The following CPED1 variants were observed in gnomAD, a reference collection of about 807,000 sequenced individuals.
The protein encoded by CPED1 is cadherin-like and PC-esterase domain-containing protein 1.
In CPED1, 114 loss-of-function variants were observed where a neutral mutation model predicts 128.2. The observed-to-expected ratio is 0.89, with a 90% CI of 0.76 to 1.04. The LOEUF (loss-of-function observed/expected upper bound fraction) is 1.04. Among genes scored for constraint, CPED1 ranks in the 50% least tolerant of loss-of-function variants. The pLI, the probability that CPED1 is intolerant of heterozygous loss-of-function variation, is 0.00. For synonymous variants in CPED1, 462 were observed against 426.7 expected (o/e 1.08, Z -1.02); for missense variants, 1,211 against 1,207.1 (o/e 1.00, Z -0.05).
chr7:121,074,509 G>GTTTT (rs1157885862), intron 5 of CPED1, among the ~76,000 whole-genome samples: 14 of 80,838 alleles, frequency 1.7e-4, no homozygotes, highest in Non-Finnish European at 3.2e-4. Context: ...TTTCCTTTGT[G>GTTTT]TTTTTTTTTT....
chr7:120,992,306 A>C (rs2116727900), intron 2 of CPED1, among the ~76,000 whole-genome samples: 1 of 152,230 alleles, frequency 6.6e-6, no homozygotes, highest in East Asian at 1.9e-4. Flanking sequence ...ATCTTAGTCA[A>C]ATCTTTGCTT....
chr7:121,255,047 T>C (rs1798771955), intron 18 of CPED1, among the ~76,000 whole-genome samples: 1 of 152,058 alleles, frequency 6.6e-6, no homozygotes, highest in Non-Finnish European at 1.5e-5. Context: ...GATTCCTCCT[T>C]AACTCATTCT....
intron 4 of CPED1, among the ~76,000 whole-genome samples, chr7:121,061,641 A>C (rs574078887): frequency 6.6e-6 from 1 of 152,330 alleles, no homozygotes; most frequent in Middle Eastern, 3.4e-3. Flanking sequence ...AGTCCATTAA[A>C]AAATAATTGC....
At chr7:121,254,978 G>A (rs985477523) in intron 18 of CPED1, among the ~76,000 whole-genome samples, 5 of 150,652 alleles carry the variant, frequency 3.3e-5, no homozygotes, top group African/African-American at 7.3e-5. Flanking sequence ...TCTACCAGAT[G>A]TACAAAAAAG....
rs570757143 is a variant in CPED1, at chr7:121,124,029, G to A, written c.919-302G>A. ...AAGCCCAGCTCACCTAGTTAGTAGAGTTACAAATGAAACTTTGGAGTTCTG... is the reference window on the plus strand; with the variant it reads ...AAGCCCAGCTCACCTAGTTAGTAGAATTACAAATGAAACTTTGGAGTTCTG... On this transcript the variant is annotated intron_variant, in intron 7 of 22. Coordinates refer to ENST00000310396, the MANE Select transcript of CPED1 (RefSeq NM_024913.5). Among the ~76,000 whole-genome samples the A allele has an allele frequency of 3.3e-5, 5 of 152,280 alleles. No homozygotes were observed. In the South Asian group the frequency reaches 8.3e-4, roughly 25 times the overall value.
intron 2 of CPED1, among the ~76,000 whole-genome samples, chr7:121,010,768 G>A (rs141830111): frequency 8.7e-4 from 133 of 152,240 alleles, no homozygotes; most frequent in Non-Finnish European, 4.1e-4. Context: ...TAAGTCAGCT[G>A]TAAGATGCAA....
intron 5 of CPED1, among the ~76,000 whole-genome samples, chr7:121,093,535 C>G (rs897254220): frequency 6.6e-6 from 1 of 151,966 alleles, no homozygotes; most frequent in African/African-American, 2.4e-5. Context: ...CTCTATTTGC[C>G]CCTCAGATTC....
chr7:121,066,702 T>A (rs1268644354), intron 5 of CPED1, among the ~76,000 whole-genome samples: 3 of 152,112 alleles, frequency 2.0e-5, no homozygotes, highest in Admixed American at 6.6e-5. Flanking sequence ...GACCAGTGAC[T>A]TTTTTATTTA....
At chr7:121,020,432 A>C (rs1342120213) in intron 3 of CPED1, among the ~76,000 whole-genome samples, 1 of 151,964 alleles carries the variant, frequency 6.6e-6, no homozygotes, top group East Asian at 1.9e-4. Context: ...GATTAATTGC[A>C]ACAGAGTCTG....
chr7:121,021,285 T>A (rs1033168819), intron 3 of CPED1, among the ~76,000 whole-genome samples: 1 of 151,956 alleles, frequency 6.6e-6, no homozygotes, highest in East Asian at 1.9e-4. Context: ...TCCTTGTTTA[T>A]AATTTAATAG....
chr7:121,174,830 A>G (rs1457189272), intron 16 of CPED1, among the ~76,000 whole-genome samples: 3 of 152,100 alleles, frequency 2.0e-5, no homozygotes, highest in East Asian at 1.9e-4. Context: ...GGTCATTTTA[A>G]CAATATTTAT....
chr7:121,188,894 G>A (rs1435732999), intron 16 of CPED1, among the ~76,000 whole-genome samples: 1 of 152,126 alleles, frequency 6.6e-6, no homozygotes, highest in Non-Finnish European at 1.5e-5. Flanking sequence ...CTAAGCTTGG[G>A]TGAGGGAGGT....
At chr7:121,282,073 C>T (rs1243458395) in intron 22 of CPED1, among the ~76,000 whole-genome samples, 1 of 152,108 alleles carries the variant, frequency 6.6e-6, no homozygotes, top group Non-Finnish European at 1.5e-5. Flanking sequence ...TATTATTAAC[C>T]ACATGTAGTA....
chr7:120,996,149 G>T (rs763484288), intron 2 of CPED1, among the ~76,000 whole-genome samples: 2 of 152,016 alleles, frequency 1.3e-5, no homozygotes, highest in African/African-American at 4.8e-5. Flanking sequence ...GGGATTGATG[G>T]CATGTGCCTG....
intron 16 of CPED1, among the ~76,000 whole-genome samples, chr7:121,183,005 A>C (rs1796931664): frequency 6.6e-6 from 1 of 152,082 alleles, no homozygotes; most frequent in African/African-American, 2.4e-5. Flanking sequence ...CAAAGAAAAA[A>C]AAAACTCAGT....
rs532779671 is a variant in CPED1 at position 121,120,489 on chromosome 7, T to G, written c.919-3842T>G. Among the ~76,000 whole-genome samples the G allele has an allele frequency of 1.2e-4, 18 of 152,304 alleles. No homozygotes were observed. In the East Asian group the frequency reaches 3.1e-3, roughly 26 times the overall value. On this transcript the variant is annotated intron_variant, in intron 7 of 22. Transcript: ENST00000310396. ...ATATGACTTAAGTACCAATATTCTTTAATCTGAGAAGATGAAAAGTTCTTT... is the reference window on the plus strand; with the variant it reads ...ATATGACTTAAGTACCAATATTCTTGAATCTGAGAAGATGAAAAGTTCTTT...
intron 3 of CPED1, among the ~76,000 whole-genome samples, chr7:121,035,193 G>C (rs979773562): frequency 6.6e-6 from 1 of 152,202 alleles, no homozygotes; most frequent in African/African-American, 2.4e-5. Context: ...GGTTGGAGTA[G>C]ATGTGCAGGG....
At chr7:121,017,518 TA>T (rs1202252964) in intron 3 of CPED1, among the ~76,000 whole-genome samples, 1 of 152,168 alleles carries the variant, frequency 6.6e-6, no homozygotes, top group East Asian at 1.9e-4. Flanking sequence ...GGTGATTGTA[TA>T]ACTACTGCAC....
intron 9 of CPED1, 131 bp downstream of exon 9, chr7:121,126,023 A>G (rs1267269287): frequency 3.0e-6 from 2 of 657,176 alleles, no homozygotes; most frequent in Non-Finnish European, 5.4e-6. Context: ...CTGTAGGCTT[A>G]TATTCACTGT....
Sources: gnomAD v4.1 joint callset for allele counts (sites outside exome capture counted in the v4.1 genomes callset) on GRCh38, gnomAD v4.1.1 for gene constraint, MANE v1.5 for transcripts, NCBI Gene and HGNC (gene_info 2026-07-23, HGNC 2026-07-21) for gene names.